CCDC148: variants seen among roughly 807,000 people sequenced by gnomAD.
CCDC148 encodes the protein coiled-coil domain-containing protein 148.
In CCDC148, 89 loss-of-function variants were observed where a neutral mutation model predicts 85.7. The ratio of observed to expected loss-of-function variants is 1.04; its 90% CI spans 0.87 to 1.24. CCDC148 has a LOEUF of 1.24. Among genes scored for constraint, CCDC148 ranks in the 50% most tolerant of loss-of-function variants. CCDC148 has a pLI of 0.00. For synonymous variants in CCDC148, 230 were observed against 213.9 expected, an observed-to-expected ratio of 1.08 and a Z score of -0.66; for missense variants, 692 against 671.7, an observed-to-expected ratio of 1.03 and a Z score of -0.33.
intron 2 of CCDC148, among the ~76,000 whole-genome samples, chr2:158,351,214 G>A (rs181511734): frequency 1.3e-5 from 2 of 152,176 alleles, no homozygotes; most frequent in African/African-American, 4.8e-5. Flanking sequence ...CTTCATAAAG[G>A]TAAGGGCTGA....
chr2:158,337,454 T>C (rs1001419289), intron 7 of CCDC148, among the ~76,000 whole-genome samples: 12 of 152,192 alleles, frequency 7.9e-5, no homozygotes, highest in African/African-American at 2.9e-4. Flanking sequence ...GAAGACAATG[T>C]TCATTTAACA....
chr2:158,172,210 C>T lies in CCDC148; in HGVS notation c.1679G>A (p.Gly560Glu). ...LRFELALREA[G>E]LHRTLYAKEI... ...TTTAGCATAAAGTGTTCTATGAAGTCCAGCTTCTCGAAGTGCTAACTCGAA... is the reference window on the plus strand; with the variant it reads ...TTTAGCATAAAGTGTTCTATGAAGTTCAGCTTCTCGAAGTGCTAACTCGAA... The change falls in exon 14 of 14, where the codon GGA (glycine) becomes GAA (glutamate). Residue 560 changes from glycine (G) to glutamate (E), a missense_variant. By Grantham distance (98) the Gly-to-Glu change is moderately conservative. Transcript: ENST00000283233. The T allele has an allele frequency of 1.2e-6, 2 of 1,608,690 alleles. No individual in the cohort carries two copies. Among genetic ancestry groups the T allele is most frequent in the Non-Finnish European group, 1.7e-6 (2 of 1,177,312 alleles).
chr2:158,266,911 C>T (rs1689484550), intron 9 of CCDC148, among the ~76,000 whole-genome samples: 1 of 147,784 alleles, frequency 6.8e-6, no homozygotes, highest in African/African-American at 2.6e-5. Context: ...TATATACACA[C>T]ACATATATAC....
chr2:158,204,884 A>C (rs1246031266), intron 11 of CCDC148, among the ~76,000 whole-genome samples: 1 of 152,218 alleles, frequency 6.6e-6, no homozygotes, highest in African/African-American at 2.4e-5. Flanking sequence ...TCCCAGTAGA[A>C]GAAACATCCA....
chr2:158,206,208 G>T (rs1489892721), intron 11 of CCDC148, among the ~76,000 whole-genome samples: 1 of 152,098 alleles, frequency 6.6e-6, no homozygotes, highest in Non-Finnish European at 1.5e-5. Flanking sequence ...GAGACTCATC[G>T]CTATTCCAAT....
At chr2:158,264,551 A>C (rs1018769970) in intron 9 of CCDC148, among the ~76,000 whole-genome samples, 4 of 152,120 alleles carry the variant, frequency 2.6e-5, no homozygotes, top group Non-Finnish European at 4.4e-5. Flanking sequence ...GAACAGTCAG[A>C]ATATACCTGG....
chr2:158,441,250 T>A (rs2105342721), intron 1 of CCDC148, among the ~76,000 whole-genome samples: 1 of 152,242 alleles, frequency 6.6e-6, no homozygotes, highest in African/African-American at 2.4e-5. Context: ...GATTTCAACA[T>A]CTCTTCTTCT....
chr2:158,175,282 C>A (rs17806040), intron 13 of CCDC148, among the ~76,000 whole-genome samples: 4,427 of 152,100 alleles, frequency 0.029, 84 homozygotes, highest in Middle Eastern at 0.088. Flanking sequence ...TCTAGAGACA[C>A]CTCTTAAACC....
At chr2:158,335,593 G>C (rs112780968) in intron 7 of CCDC148, among the ~76,000 whole-genome samples, 1,698 of 152,158 alleles carry the variant, frequency 0.011, 19 homozygotes, top group Middle Eastern at 0.075. Flanking sequence ...GCTTGTGGTG[G>C]GGAACTCTCA....
At chr2:158,227,184 C>T (rs1192265892) in intron 10 of CCDC148, among the ~76,000 whole-genome samples, 1 of 152,030 alleles carries the variant, frequency 6.6e-6, no homozygotes, top group Non-Finnish European at 1.5e-5. Flanking sequence ...AGAGCCAAAT[C>T]ATGAGTGAAC....
chr2:158,309,951 A>G (rs934597426), intron 8 of CCDC148, among the ~76,000 whole-genome samples: 1 of 152,192 alleles, frequency 6.6e-6, no homozygotes, highest in Non-Finnish European at 1.5e-5. Flanking sequence ...TTTATTGAGC[A>G]TTCTTGGGTG....
At chr2:158,278,196 G>A (rs1230139331) in intron 9 of CCDC148, among the ~76,000 whole-genome samples, 2 of 152,154 alleles carry the variant, frequency 1.3e-5, no homozygotes, top group East Asian at 1.9e-4. Flanking sequence ...CAGTGTGAGT[G>A]ACGCAGAAGA....
chr2:158,381,478 A>T (rs1684866679), intron 1 of CCDC148, among the ~76,000 whole-genome samples: 1 of 152,186 alleles, frequency 6.6e-6, no homozygotes, highest in Admixed American at 6.5e-5. Flanking sequence ...AATGTTGGTA[A>T]GAAAGTGGAG....
At position 158,332,900 on chromosome 2, in the gene CCDC148, G is replaced by A. The variant is rs577606768; in HGVS notation, c.764+5826C>T. On this transcript the variant is annotated intron_variant, in intron 7 of 13. Transcript: ENST00000283233. ...GATATCCCCTATAACATGTTTTTTT[G>A]TGTCTACTTGATTCTTCTCTTTTCT... Among the ~76,000 whole-genome samples, 271 of 134,176 alleles carry A rather than the reference G, an allele frequency of 2.0e-3. 1 individual carries two copies. Among genetic ancestry groups the A allele is most frequent in the African/African-American group, 7.3e-3 (265 of 36,248 alleles). The allele number at this position is 134,176 out of a possible 152,430, so 88.0% of individuals were successfully genotyped here.
At chr2:158,193,196 C>G (rs1224909224) in intron 11 of CCDC148, among the ~76,000 whole-genome samples, 1 of 152,090 alleles carries the variant, frequency 6.6e-6, no homozygotes, top group Admixed American at 6.6e-5. Context: ...ATAATTGTAT[C>G]AGTTTAGCCA....
At chr2:158,357,461 A>G (rs919344767) in intron 2 of CCDC148, among the ~76,000 whole-genome samples, 5 of 152,168 alleles carry the variant, frequency 3.3e-5, no homozygotes, top group Admixed American at 3.3e-4. Context: ...CATGAGAAAA[A>G]TAAAATATGT....
chr2:158,307,417 CCAA>C (rs1194324519), intron 9 of CCDC148, among the ~76,000 whole-genome samples: 19 of 152,132 alleles, frequency 1.2e-4, no homozygotes, highest in Admixed American at 1.3e-4. Flanking sequence ...ATTAGCAATA[CCAA>C]TGTTGGGGAA....
chr2:158,261,650 A>G (rs1187374962), intron 9 of CCDC148, among the ~76,000 whole-genome samples: 1 of 151,666 alleles, frequency 6.6e-6, no homozygotes, highest in Non-Finnish European at 1.5e-5. Flanking sequence ...CAGCATCTAT[A>G]AGGAACTTAA....
rs922708771 is a variant in CCDC148, at chr2:158,279,470, G to A, written c.1111-28558C>T. On this transcript the variant is annotated intron_variant, in intron 9 of 13. Transcript: ENST00000283233. ...CTGAAAGCCAAGGCATGAGAACTAC[G>A]TGAAGAATGCAGAAGCCTCAGGAGC... is the stretch of plus-strand genomic sequence containing the variant. Among the ~76,000 whole-genome samples, 32 of 152,332 alleles carry A rather than the reference G, an allele frequency of 2.1e-4. 1 individual carries two copies. Among genetic ancestry groups the A allele is most frequent in the Admixed American group, 6.5e-4 (10 of 15,296 alleles).
Sources: allele counts gnomAD v4.1 joint callset (sites outside exome capture counted in the v4.1 genomes callset), GRCh38; gene constraint gnomAD v4.1.1; transcripts MANE v1.5; gene names NCBI Gene and HGNC (gene_info 2026-07-23, HGNC 2026-07-21).